Variants in NUP153 observed in about 807,000 individuals in gnomAD.
NUP153 encodes the protein nucleoporin 153.
NUP153 carries 27 observed loss-of-function variants against 134.6 expected under a neutral mutation model. The observed-to-expected ratio is 0.20, with a 90% confidence interval of 0.15 to 0.28. The LOEUF (loss-of-function observed/expected upper bound fraction) is 0.28, where lower values mean the gene tolerates loss of function less well. Among genes scored for constraint, NUP153 ranks in the 10% least tolerant of loss-of-function variants. The pLI, the probability that NUP153 is intolerant of heterozygous loss-of-function variation, is 1.00. For missense variants in NUP153, 1,821 were observed against 1,731.3 expected, an observed-to-expected ratio of 1.05 and a Z score of -0.92; for synonymous variants, 640 against 623.5, an observed-to-expected ratio of 1.03 and a Z score of -0.40.
rs150671485 is a variant in NUP153 at position 17,650,124 on chromosome 6, T to C, written c.1396-824A>G. On this transcript the variant is annotated intron_variant, in intron 11 of 21. Coordinates refer to ENST00000262077, the MANE Select transcript of NUP153 (RefSeq NM_005124.4). ...CTTCTACCTGATAAACGTTTAGATATATGATAAACTCTGGAAAAAAGTATA... is the reference window on the plus strand; with the variant it reads ...CTTCTACCTGATAAACGTTTAGATACATGATAAACTCTGGAAAAAAGTATA... Among the ~76,000 whole-genome samples the C allele has an allele frequency of 2.0e-5, 3 of 152,294 alleles. No homozygotes were observed. In the East Asian group the frequency reaches 5.8e-4, roughly 29 times the overall value.
intron 5 of NUP153, among the ~76,000 whole-genome samples, chr6:17,673,566 G>A (rs1026211387): frequency 1.3e-5 from 2 of 152,124 alleles, no homozygotes; most frequent in Non-Finnish European, 2.9e-5. Flanking sequence ...CAAAAGATAG[G>A]CTGATAGCAA....
intron 14 of NUP153, among the ~76,000 whole-genome samples, chr6:17,641,143 C>T (rs1301848397): frequency 6.6e-6 from 1 of 152,116 alleles, no homozygotes; most frequent in African/African-American, 2.4e-5. Context: ...TTTCTATTTA[C>T]AGATAAAACT....
intron 9 of NUP153, among the ~76,000 whole-genome samples, chr6:17,662,993 A>G (rs925772488): frequency 6.6e-6 from 1 of 152,162 alleles, no homozygotes; most frequent in African/African-American, 2.4e-5. Flanking sequence ...TAAATGCAAG[A>G]CATGATGTTA....
chr6:17,635,102 A>ATTT (rs761543163), intron 16 of NUP153, among the ~76,000 whole-genome samples: 1 of 117,478 alleles, frequency 8.5e-6, no homozygotes, highest in African/African-American at 3.2e-5. Context: ...AGCTTGGCTT[A>ATTT]TCTTTTTTTT....
Position 17,661,693 on chromosome 6 carries a change from T to C in NUP153, c.1355A>G (p.Glu452Gly), listed in dbSNP as rs1340923538. 1 of 1,613,990 alleles carries C rather than the reference T, an allele frequency of 6.2e-7. No individual in the cohort carries two copies. The highest frequency in any genetic ancestry group is 8.5e-7 in the Non-Finnish European group (1 of 1,179,938). Residue 452 changes from glutamate (E) to glycine (G), a missense_variant, in exon 11 of 22, where the codon GAA (glutamate) becomes GGA (glycine). Physicochemically the swap from Glu to Gly is moderately conservative, Grantham distance 98. Transcript: ENST00000262077. ...TTTAGAAGCAACAAAGCGTGTTCTT[T>C]CTCGTCTCATCTTGCCACCTCCACC... is the stretch of plus-strand genomic sequence containing the variant. ...VGGGGGKMRR[E>G]RTRFVASKPL... is the part of the protein sequence containing the mutation.
intron 5 of NUP153, among the ~76,000 whole-genome samples, chr6:17,674,197 G>GT (rs1420160259): frequency 6.6e-6 from 1 of 152,098 alleles, no homozygotes; most frequent in African/African-American, 2.4e-5. Flanking sequence ...GATACATAAG[G>GT]TAACGTTTTG....
At position 17,690,700 on chromosome 6, in the gene NUP153, A is replaced by C. The variant is rs551759700; in HGVS notation, c.112-2082T>G. ...GTCAAAGAAAGGAAAAAAATGACTC[A>C]GTAGGTACAGAAAACAATAAAATCA... On this transcript the variant is annotated intron_variant, in intron 1 of 21. Coordinates refer to ENST00000262077, the MANE Select transcript of NUP153 (RefSeq NM_005124.4). 3.9e-4 allele frequency among the ~76,000 whole-genome samples: 60 copies of C among 152,338 alleles called. 1 individual carries two copies. The highest frequency in any genetic ancestry group is 7.1e-4 in the Non-Finnish European group (48 of 68,040).
In NUP153 at chr6:17,638,081, G is replaced by A. The variant is rs1247848076; in HGVS notation, c.1847-311C>T. ...TATGTATTATTGCCATCCACATTTT[G>A]CTATATTCTGTCTCTCTACAAACAC... On this transcript the variant is annotated intron_variant, in intron 15 of 21. Transcript: ENST00000262077. The surrounding 1 kb of genome is among the most constrained non-coding windows in gnomAD (Gnocchi z 4.0). Among the ~76,000 whole-genome samples the A allele has an allele frequency of 6.6e-6, 1 of 152,100 alleles. No individual in the cohort carries two copies. Among genetic ancestry groups the A allele is most frequent in the Non-Finnish European group, 1.5e-5 (1 of 68,014 alleles).
At chr6:17,700,139 A>C (rs1769954787) in intron 1 of NUP153, among the ~76,000 whole-genome samples, 2 of 152,220 alleles carry the variant, frequency 1.3e-5, no homozygotes, top group African/African-American at 2.4e-5. Flanking sequence ...TGAAGACCCT[A>C]AATCAGGAGA....
intron 18 of NUP153, 116 bp from the exon 19 acceptor site, chr6:17,626,280 ATT>A: frequency 1.4e-6 from 1 of 693,468 alleles, no homozygotes; most frequent in Non-Finnish European, 2.5e-6. Flanking sequence ...TAGAAAATAG[ATT>A]TTTTATATAG....
chr6:17,693,850 C>G (rs908511802), intron 1 of NUP153, among the ~76,000 whole-genome samples: 2 of 152,174 alleles, frequency 1.3e-5, no homozygotes, highest in African/African-American at 4.8e-5. Context: ...CGTGCCACTG[C>G]ACTCCAGCCT....
chr6:17,684,247 A>C (rs1370294660), intron 2 of NUP153, among the ~76,000 whole-genome samples: 1 of 152,198 alleles, frequency 6.6e-6, no homozygotes, highest in Non-Finnish European at 1.5e-5. Flanking sequence ...GGACTAATAA[A>C]CCACCTTCGT....
chr6:17,683,036 C>A (rs1768703770), intron 2 of NUP153, among the ~76,000 whole-genome samples: 1 of 152,066 alleles, frequency 6.6e-6, no homozygotes, highest in Non-Finnish European at 1.5e-5. Context: ...TCATACTCCA[C>A]TTCTAATTTT....
chr6:17,658,294 G>A (rs981469455), intron 11 of NUP153, among the ~76,000 whole-genome samples: 1 of 152,192 alleles, frequency 6.6e-6, no homozygotes, highest in Non-Finnish European at 1.5e-5. Flanking sequence ...TACTCGGGAG[G>A]CTGAGGCACA....
intron 1 of NUP153, among the ~76,000 whole-genome samples, chr6:17,703,932 T>C (rs1382777480): frequency 1.3e-5 from 2 of 152,220 alleles, no homozygotes; most frequent in Non-Finnish European, 2.9e-5. Context: ...CCTTGGATCA[T>C]AGGTGTTATG....
intron 1 of NUP153, among the ~76,000 whole-genome samples, chr6:17,694,555 G>A (rs1769511875): frequency 6.6e-6 from 1 of 152,092 alleles, no homozygotes; most frequent in Non-Finnish European, 1.5e-5. Flanking sequence ...TACTCAGGAG[G>A]CTGAGGGGGA....
chr6:17,675,315 C>T lies in NUP153; in HGVS notation c.637G>A (p.Glu213Lys), dbSNP rs977830863. ...SLPPLWSPEA[E>K]RSHSLSQHTA... ...TGCTGTGAGAGTGAGTGAGAACGTT[C>T]AGCTTCTGGGGACCACAGAGGTGGC... The change falls in exon 4 of 22, where the codon GAA becomes AAA. Residue 213 changes from glutamate (E) to lysine (K), a missense_variant. By Grantham distance (56) the Glu-to-Lys change is moderately conservative. Coordinates refer to ENST00000262077, the MANE Select transcript of NUP153 (RefSeq NM_005124.4). The surrounding 1 kb of genome is among the most constrained non-coding windows in gnomAD (Gnocchi z 4.4). The T allele has an allele frequency of 6.2e-7, 1 of 1,613,908 alleles. No individual in the cohort carries two copies. Among genetic ancestry groups the T allele is most frequent in the Non-Finnish European group, 8.5e-7 (1 of 1,180,014 alleles).
chr6:17,652,009 C>A, intron 11 of NUP153: 1 of 463,462 alleles, frequency 2.2e-6, no homozygotes, highest in South Asian at 4.2e-5. Context: ...GTGGCCACGC[C>A]ACTGCACTCC....
chr6:17,687,476 C>T (rs1395288988), intron 2 of NUP153, among the ~76,000 whole-genome samples: 3 of 152,136 alleles, frequency 2.0e-5, no homozygotes, highest in Non-Finnish European at 4.4e-5. Flanking sequence ...ACTTAAGTTA[C>T]TCTAATAAAA....
Sources: allele counts gnomAD v4.1 joint callset (sites outside exome capture counted in the v4.1 genomes callset), GRCh38; gene constraint gnomAD v4.1.1; non-coding constraint Gnocchi (gnomAD v3.1); transcripts MANE v1.5; gene names NCBI Gene and HGNC (gene_info 2026-07-23, HGNC 2026-07-21).